PIEZO1: variants seen among roughly 807,000 people sequenced by gnomAD.
PIEZO1 encodes the protein piezo-type mechanosensitive ion channel component 1.
A neutral mutation model predicts 297.2 loss-of-function variants in PIEZO1; 296 were observed. That is an observed-to-expected ratio of 1.00 (90% CI 0.91 to 1.10). The LOEUF (loss-of-function observed/expected upper bound fraction) is 1.10. Ranked by LOEUF, PIEZO1 falls within the 50% of genes least tolerant of loss-of-function variation. PIEZO1 has a pLI of 0.00. For synonymous variants in PIEZO1, 2,427 were observed against 1,507.5 expected (o/e 1.61, Z -14.13); for missense variants, 5,018 against 3,455.5 (o/e 1.45, Z -11.34).
In PIEZO1 at chr16:88,738,696, C is replaced by A; in HGVS notation, c.506G>T (p.Gly169Val). 6.5e-7 allele frequency: 1 copy of A among 1,533,880 alleles called. No homozygotes were observed. The highest frequency in any genetic ancestry group is 1.4e-5 in the African/African-American group (1 of 73,138). Residue 169 changes from glycine (G) to valine (V), a missense_variant, in exon 6 of 51, where the codon GGG (glycine) becomes GTG (valine). Physicochemically the swap from Gly to Val is moderately radical, Grantham distance 109. Coordinates refer to ENST00000301015, the MANE Select transcript of PIEZO1 (RefSeq NM_001142864.4). ...GGCCAGCGTTGCTGCTTCCTGCAGC[C>A]CTGCCGTCGGGCTGGCATCCACATC... Reference protein sequence around the residue: ...ERDVDASPTAGLQEAATLAPT... With the variant: ...ERDVDASPTAVLQEAATLAPT...
rs1911941867 is a variant in PIEZO1 at position 88,715,615 on chromosome 16, T to C, written c.7556A>G (p.Glu2519Gly). 4 of 1,549,760 alleles carry C rather than the reference T, an allele frequency of 2.6e-6. No homozygotes were observed. In the East Asian group the frequency reaches 9.8e-5, roughly 38 times the overall value. ...CGCCAGCAGCAGCTCCTACTCCTTC[T>C]CACGAGTCCACTTGATCATGGTCTC... ...SPETMIKWTR[E>G]KE The change falls in exon 51 of 51, where the codon GAG becomes GGG. Residue 2519 changes from glutamate to glycine, a missense_variant. By Grantham distance (98) the Glu-to-Gly change is moderately conservative. Coordinates refer to ENST00000301015, the MANE Select transcript of PIEZO1 (RefSeq NM_001142864.4).
At chr16:88,780,020 G>C (rs2142912400) in intron 1 of PIEZO1, among the ~76,000 whole-genome samples, 1 of 152,302 alleles carries the variant, frequency 6.6e-6, no homozygotes, top group South Asian at 2.1e-4. Context: ...TTACAGGGGA[G>C]GAAACCCAGA....
At chr16:88,773,612 G>T (rs981446435) in intron 1 of PIEZO1, among the ~76,000 whole-genome samples, 1 of 152,226 alleles carries the variant, frequency 6.6e-6, no homozygotes, top group Non-Finnish European at 1.5e-5. Flanking sequence ...TGACAGGCAG[G>T]TCGGGGGACT....
rs12595954 is a variant in PIEZO1 at position 88,766,178 on chromosome 16, C to T, written c.65-16699G>A. 1.1e-3 allele frequency among the ~76,000 whole-genome samples: 160 copies of T among 152,280 alleles called. 4 individuals carry two copies. The East Asian group carries it at 0.03, about 29-fold the overall frequency. ...CAAACGCCAATCGCAATTTGGTGTG[C>T]AGGTGTTTTTAAAATGAGATTGATT... On this transcript the variant is annotated intron_variant, in intron 1 of 50. Transcript: ENST00000301015.
chr16:88,774,636 G>C (rs1457707537), intron 1 of PIEZO1, among the ~76,000 whole-genome samples: 1 of 152,192 alleles, frequency 6.6e-6, no homozygotes. Flanking sequence ...AAAGGAAGCC[G>C]GCAATCCCGC....
At chr16:88,775,297 A>C (rs886910849) in intron 1 of PIEZO1, among the ~76,000 whole-genome samples, 4 of 152,338 alleles carry the variant, frequency 2.6e-5, no homozygotes, top group African/African-American at 9.6e-5. Context: ...GCCAGTAGCC[A>C]GGCAGAACAA....
chr16:88,784,984 C>CG lies in PIEZO1; in HGVS notation c.-21dup, dbSNP rs1567493460. 8.0e-7 allele frequency: 1 copy of CG among 1,243,580 alleles called. No homozygotes were observed. Among genetic ancestry groups the CG allele is most frequent in the Admixed American group, 4.0e-5 (1 of 25,062 alleles). 77.0% of individuals were successfully genotyped at this position (1,243,580 alleles called of 1,614,324 possible). A position where few individuals can be genotyped will look rare whatever the true frequency, so the allele number is the denominator to read the frequency against. On this transcript the variant is annotated 5_prime_UTR_variant, in exon 1 of 51. Coordinates refer to ENST00000301015, the MANE Select transcript of PIEZO1 (RefSeq NM_001142864.4). ...CTCCATGGCTGGAGGGCCCAGGGCC[C>CG]GGCCCAGACCGAGCGGACGCCGCGG...
intron 10 of PIEZO1, 78 bp downstream of exon 10, chr16:88,737,481 A>T: frequency 1.0e-6 from 1 of 994,534 alleles, no homozygotes; most frequent in Non-Finnish European, 1.5e-6. Flanking sequence ...CGAGAGCGCC[A>T]GGCGGCCACC....
chr16:88,768,235 C>A (rs1483614053), intron 1 of PIEZO1, among the ~76,000 whole-genome samples: 5 of 152,340 alleles, frequency 3.3e-5, no homozygotes. Context: ...GGCCTCGCAG[C>A]CCCTCCCCCC....
At chr16:88,781,405 G>A (rs568176865) in intron 1 of PIEZO1, among the ~76,000 whole-genome samples, 1 of 152,342 alleles carries the variant, frequency 6.6e-6, no homozygotes, top group African/African-American at 2.4e-5. Flanking sequence ...CAGCTCCTGG[G>A]CAGTCCCTGG....
chr16:88,742,289 C>G lies in PIEZO1; in HGVS notation c.283+11G>C, dbSNP rs1295577763. ...GATGGCTATCCCTACCCCGCCCCCT[C>G]AGCGACTCACAGCTGGGTCCCAGGA... On this transcript the variant is annotated intron_variant, in intron 3 of 50. Transcript: ENST00000301015. The G allele has an allele frequency of 2.6e-6, 4 of 1,529,594 alleles. No homozygotes were observed. Among genetic ancestry groups the G allele is most frequent in the Non-Finnish European group, 3.5e-6 (4 of 1,143,110 alleles). 94.8% of individuals were successfully genotyped at this position (1,529,594 alleles called of 1,614,324 possible). A position where few individuals can be genotyped will look rare whatever the true frequency, so the allele number is the denominator to read the frequency against.
intron 1 of PIEZO1, among the ~76,000 whole-genome samples, chr16:88,754,726 C>T (rs532003644): frequency 3.6e-4 from 55 of 152,336 alleles, no homozygotes; most frequent in African/African-American, 1.1e-3. Context: ...ACAGCCGGTG[C>T]GGCCTGTGTG....
In PIEZO1 at chr16:88,732,461, C is replaced by T. The variant is rs35597347; in HGVS notation, c.2865G>A (p.Gln955=). The T allele has an allele frequency of 6.4e-3, 9,953 of 1,549,490 alleles. 56 individuals carry two copies. Among genetic ancestry groups the T allele is most frequent in the Middle Eastern group, 0.02 (117 of 5,980 alleles). ...VYRRQEHYRR[Q]HQLAPLPAQA... is the part of the protein sequence containing the mutation. ...GGGCAGGCAGCGGGGCCAGCTGGTG[C>T]TGCCGGCGGTAGTGCTCCTGGCGCC... Residue 955 remains glutamine (Q), a synonymous_variant, in exon 21 of 51, where the codon CAG becomes CAA. Coordinates refer to ENST00000301015, the MANE Select transcript of PIEZO1 (RefSeq NM_001142864.4).
intron 1 of PIEZO1, among the ~76,000 whole-genome samples, chr16:88,773,514 G>T (rs1368806892): frequency 6.6e-6 from 1 of 152,220 alleles, no homozygotes; most frequent in Non-Finnish European, 1.5e-5. Flanking sequence ...GACAGCAGCT[G>T]GCGCTTCCCC....
Position 88,736,415 on chromosome 16 carries a change from G to C in PIEZO1, c.1297-7C>G, listed in dbSNP as rs866417753. On this transcript the variant is annotated splice_region_variant and splice_polypyrimidine_tract_variant and intron_variant, in intron 11 of 50. Transcript: ENST00000301015. ...GGTAGGTGATGCTCCATACCTGCGC[G>C]GCAGAGAGGGCTGCACAGCTGCCCA... The C allele has an allele frequency of 2.0e-6, 3 of 1,537,236 alleles. No individual in the cohort carries two copies. Among genetic ancestry groups the C allele is most frequent in the Non-Finnish European group, 2.6e-6 (3 of 1,140,596 alleles).
At chr16:88,756,789 C>A (rs1457656439) in intron 1 of PIEZO1, among the ~76,000 whole-genome samples, 1 of 148,794 alleles carries the variant, frequency 6.7e-6, no homozygotes, top group Non-Finnish European at 1.5e-5. Flanking sequence ...AAAATAAAAA[C>A]AAACAAGCCA....
At chr16:88,782,781 C>G (rs550014964) in intron 1 of PIEZO1, among the ~76,000 whole-genome samples, 108 of 152,338 alleles carry the variant, frequency 7.1e-4, no homozygotes, top group Non-Finnish European at 1.4e-3. Context: ...ACCTGCACAT[C>G]GCGGGTCCAT....
At position 88,715,756 on chromosome 16, in the gene PIEZO1, G is replaced by C. The variant is rs750927939; in HGVS notation, c.7415C>G (p.Pro2472Arg). ...GAGCTTGAGGATGCGGTCCACGCAC[G>C]GCAGCTCCTCGAACATAATGGAGTG... Reference protein sequence around the residue: ...ISHSIMFEELPCVDRILKLCQ... With the variant: ...ISHSIMFEELRCVDRILKLCQ... The change falls in exon 51 of 51, where the codon CCG becomes CGG. Residue 2472 changes from proline to arginine, a missense_variant. Coordinates refer to ENST00000301015, the MANE Select transcript of PIEZO1 (RefSeq NM_001142864.4). 3.9e-6 allele frequency: 6 copies of C among 1,550,436 alleles called. No homozygotes were observed. Among genetic ancestry groups the C allele is most frequent in the Non-Finnish European group, 5.2e-6 (6 of 1,146,972 alleles).
intron 1 of PIEZO1, among the ~76,000 whole-genome samples, chr16:88,760,018 C>A (rs920394146): frequency 4.4e-4 from 67 of 152,006 alleles, no homozygotes; most frequent in African/African-American, 1.6e-3. Flanking sequence ...CACTCCTTCT[C>A]CGCGCCAATC....
Sources: allele counts gnomAD v4.1 joint callset (sites outside exome capture counted in the v4.1 genomes callset), GRCh38; gene constraint gnomAD v4.1.1; transcripts MANE v1.5; gene names NCBI Gene and HGNC (gene_info 2026-07-23, HGNC 2026-07-21).